DOCK4: variants seen among roughly 807,000 people sequenced by gnomAD.
DOCK4 encodes the protein dedicator of cytokinesis protein 4.
A neutral mutation model predicts 268.1 loss-of-function variants in DOCK4; 97 were observed. That is an observed-to-expected ratio of 0.36 (90% CI 0.31 to 0.43). The LOEUF is 0.43. Among genes scored for constraint, DOCK4 ranks in the 20% least tolerant of loss-of-function variants. DOCK4 has a pLI of 1.00. For missense variants in DOCK4, 2,145 were observed against 2,455.7 expected, an observed-to-expected ratio of 0.87 and a Z score of 2.67; for synonymous variants, 954 against 887.2, an observed-to-expected ratio of 1.08 and a Z score of -1.34.
rs938035154 is a variant in DOCK4 at position 111,848,659 on chromosome 7, C to T, written c.2474-1533G>A. Among the ~76,000 whole-genome samples the T allele has an allele frequency of 5.9e-5, 9 of 152,096 alleles. No homozygotes were observed. In the East Asian group the frequency reaches 9.7e-4, roughly 16 times the overall value. On this transcript the variant is annotated intron_variant, in intron 23 of 52. Coordinates refer to ENST00000428084, the MANE Select transcript of DOCK4 (RefSeq NM_001363540.2). ...CGATGAAAAACACCATGGTCTGGGG[C>T]GGGGACTCTAAGGCCAATTCATGCT...
Position 112,206,353 on chromosome 7 carries a change from T to G in DOCK4, c.-215A>C. ...TCCCGGCGGCGGCTGCTCACAGTCC[T>G]CCGACGCGCTCCCGGGTACCCGGCG... is the stretch of plus-strand genomic sequence containing the variant. On this transcript the variant is annotated 5_prime_UTR_variant, in exon 1 of 53. Transcript: ENST00000428084. The G allele has an allele frequency of 3.4e-6, 2 of 590,598 alleles. No individual in the cohort carries two copies. The allele number at this position is 590,598 out of a possible 1,614,324, so 36.6% of individuals were successfully genotyped here. A position where few individuals can be genotyped will look rare whatever the true frequency, so the allele number is the denominator to read the frequency against.
intron 14 of DOCK4, 106 bp downstream of exon 14, chr7:111,901,571 C>A: frequency 8.7e-7 from 1 of 1,146,056 alleles, no homozygotes; most frequent in Non-Finnish European, 1.2e-6. Context: ...TAACGCAAAT[C>A]AGAAATTAAC....
At chr7:111,871,169 C>T (rs1806398795) in intron 20 of DOCK4, among the ~76,000 whole-genome samples, 1 of 152,158 alleles carries the variant, frequency 6.6e-6, no homozygotes, top group South Asian at 2.1e-4. Flanking sequence ...TTAAACTCAC[C>T]TCAGGGAACA....
chr7:112,182,904 A>C (rs1229238252), intron 1 of DOCK4, among the ~76,000 whole-genome samples: 1 of 152,248 alleles, frequency 6.6e-6, no homozygotes, highest in African/African-American at 2.4e-5. Flanking sequence ...TCAAATGTGC[A>C]AAAGGAACTG....
At chr7:111,952,369 G>C (rs1367041874) in intron 8 of DOCK4, among the ~76,000 whole-genome samples, 2 of 152,174 alleles carry the variant, frequency 1.3e-5, no homozygotes, top group African/African-American at 4.8e-5. Flanking sequence ...CTTCTCTTCT[G>C]TTTCTCAGTA....
At chr7:112,163,644 C>A (rs778994936) in intron 1 of DOCK4, among the ~76,000 whole-genome samples, 15 of 152,044 alleles carry the variant, frequency 9.9e-5, no homozygotes, top group Non-Finnish European at 1.9e-4. Flanking sequence ...CTCTTCTCAG[C>A]GATTTACAAA....
chr7:111,787,055 T>C (rs1799221210), intron 32 of DOCK4, among the ~76,000 whole-genome samples: 1 of 152,196 alleles, frequency 6.6e-6, no homozygotes. Flanking sequence ...TTTTAATTAT[T>C]GGTTTGATTC....
chr7:112,153,280 A>G (rs1347382610), intron 1 of DOCK4, among the ~76,000 whole-genome samples: 1 of 152,224 alleles, frequency 6.6e-6, no homozygotes, highest in African/African-American at 2.4e-5. Flanking sequence ...TGCACATTGA[A>G]CATTTTAAAA....
At chr7:112,089,053 T>A (rs1427048958) in intron 1 of DOCK4, among the ~76,000 whole-genome samples, 3 of 152,214 alleles carry the variant, frequency 2.0e-5, no homozygotes, top group Admixed American at 1.3e-4. Flanking sequence ...ATAATTGTTA[T>A]GAAATGACAA....
chr7:111,896,800 C>T (rs536641880), intron 15 of DOCK4, among the ~76,000 whole-genome samples: 17 of 152,236 alleles, frequency 1.1e-4, no homozygotes, highest in East Asian at 1.9e-4. Context: ...ATGCAGAAAA[C>T]GGTAATTTTG....
rs191857720 is a variant in DOCK4 at position 112,128,293 on chromosome 7, G to T, written c.37+77809C>A. 2.8e-3 allele frequency among the ~76,000 whole-genome samples: 417 copies of T among 150,616 alleles called. 2 individuals are homozygous for T. The highest frequency in any genetic ancestry group is 4.8e-3 in the Non-Finnish European group (327 of 67,520). On this transcript the variant is annotated intron_variant, in intron 1 of 52. Coordinates refer to ENST00000428084, the MANE Select transcript of DOCK4 (RefSeq NM_001363540.2). Reference sequence around the variant, plus strand: ...CAGCCGCCCCGTCCGGGAGGGAGGTGGGGGGGGTCAGCCCCCTGCCCGGCC... The same window carrying T: ...CAGCCGCCCCGTCCGGGAGGGAGGTTGGGGGGGTCAGCCCCCTGCCCGGCC...
chr7:112,132,985 T>C (rs930561575), intron 1 of DOCK4, among the ~76,000 whole-genome samples: 9 of 152,324 alleles, frequency 5.9e-5, no homozygotes, highest in Admixed American at 5.9e-4. Flanking sequence ...GAGACTGGTA[T>C]TCAGGGCTCT....
intron 1 of DOCK4, among the ~76,000 whole-genome samples, chr7:112,101,074 CA>C (rs778716836): frequency 9.2e-5 from 14 of 152,162 alleles, no homozygotes; most frequent in East Asian, 5.8e-4. Flanking sequence ...GGAAGGGGTA[CA>C]GGGGGGACAC....
intron 23 of DOCK4, among the ~76,000 whole-genome samples, chr7:111,857,472 G>A (rs6956114): frequency 0.52 from 79,197 of 152,058 alleles, 23,800 homozygotes; most frequent in African/African-American, 0.85. Flanking sequence ...CTTCTCACCA[G>A]TGGTACATGA....
chr7:111,735,489 G>A (rs572071435), intron 50 of DOCK4, among the ~76,000 whole-genome samples: 47 of 152,204 alleles, frequency 3.1e-4, no homozygotes, highest in African/African-American at 9.6e-4. Context: ...GTAGTCACTG[G>A]GCTATTTTAA....
chr7:111,913,625 G>A (rs1586352464), intron 13 of DOCK4, among the ~76,000 whole-genome samples: 1 of 151,346 alleles, frequency 6.6e-6, no homozygotes, highest in East Asian at 2.0e-4. Flanking sequence ...TAGCCAGGAT[G>A]GTCTCGATCT....
chr7:112,206,127 A>G lies in DOCK4; in HGVS notation c.12T>C (p.Pro4=). 6.3e-7 allele frequency: 1 copy of G among 1,586,300 alleles called. No individual in the cohort carries two copies. Among genetic ancestry groups the G allele is most frequent in the Non-Finnish European group, 8.6e-7 (1 of 1,166,002 alleles). ...CCACGCCGTATTTCTCGTGCTCCGT[A>G]GGTATCCACATGGCTAAAGGGGCTC... MWI[P]TEHEKYGVVI... Residue 4 remains proline (P), a synonymous_variant, in exon 1 of 53, where the codon CCT becomes CCC. Transcript: ENST00000428084.
intron 39 of DOCK4, among the ~76,000 whole-genome samples, chr7:111,761,422 A>G (rs897115077): frequency 2.6e-5 from 4 of 152,142 alleles, no homozygotes; most frequent in Non-Finnish European, 4.4e-5. Context: ...GTCTGAGTCC[A>G]AACCCTGGGC....
intron 1 of DOCK4, among the ~76,000 whole-genome samples, chr7:112,051,737 TA>T (rs56937495): frequency 0.092 from 13,952 of 152,094 alleles, 2,146 homozygotes; most frequent in African/African-American, 0.32. Flanking sequence ...ATTATATTAT[TA>T]TATGAGATGA....
Sources: allele counts gnomAD v4.1 joint callset (sites outside exome capture counted in the v4.1 genomes callset), GRCh38; gene constraint gnomAD v4.1.1; transcripts MANE v1.5; gene names NCBI Gene and HGNC (gene_info 2026-07-23, HGNC 2026-07-21).